The following OIP5 variants were observed in gnomAD, a reference collection of about 807,000 sequenced individuals.
The protein encoded by OIP5 is protein Mis18-beta.
A neutral mutation model predicts 20.3 loss-of-function variants in OIP5; 24 were observed. That is an observed-to-expected ratio of 1.18 (90% CI 0.86 to 1.66). The LOEUF (loss-of-function observed/expected upper bound fraction) is 1.66, where lower values mean the gene tolerates loss of function less well. Ranked by LOEUF, OIP5 falls within the 40% of genes most tolerant of loss-of-function variation. The probability of loss-of-function intolerance (pLI) is 0.00; values close to 1 mark genes in which losing one functional copy is unlikely to be tolerated. For synonymous variants in OIP5, 143 were observed against 121.3 expected, an observed-to-expected ratio of 1.18 and a Z score of -1.17; for missense variants, 339 against 289.5, an observed-to-expected ratio of 1.17 and a Z score of -1.24.
At chr15:41,316,640 A>G (rs191499945) in intron 3 of OIP5, among the ~76,000 whole-genome samples, 1 of 151,954 alleles carries the variant, frequency 6.6e-6, no homozygotes, top group Non-Finnish European at 1.5e-5. Flanking sequence ...AATACAAAAA[A>G]TTAGCCAAGC....
chr15:41,317,860 T>G (rs2047797605), intron 3 of OIP5, among the ~76,000 whole-genome samples: 1 of 152,158 alleles, frequency 6.6e-6, no homozygotes, highest in Admixed American at 6.6e-5. Context: ...TTAAATTTTT[T>G]GTAGAGACAG....
intron 3 of OIP5, among the ~76,000 whole-genome samples, chr15:41,316,789 C>CAAAAAAAA (rs11385589): frequency 1.6e-5 from 1 of 61,890 alleles, no homozygotes; most frequent in Admixed American, 2.1e-4. Context: ...GACTCCATCT[C>CAAAAAAAA]AAAAAAAAAA....
intron 2 of OIP5, among the ~76,000 whole-genome samples, chr15:41,324,246 C>T (rs969682869): frequency 7.2e-5 from 11 of 151,908 alleles, no homozygotes; most frequent in South Asian, 2.1e-4. Context: ...CCACCCACCT[C>T]GGCCTCCCAA....
intron 2 of OIP5, among the ~76,000 whole-genome samples, chr15:41,321,116 G>A (rs2047821687): frequency 6.6e-6 from 1 of 150,772 alleles, no homozygotes; most frequent in South Asian, 2.1e-4. Flanking sequence ...AGTGAGGAGC[G>A]TCTCCGCCCG....
intron 2 of OIP5, among the ~76,000 whole-genome samples, chr15:41,324,842 A>G (rs1476018867): frequency 6.6e-6 from 1 of 152,046 alleles, no homozygotes; most frequent in East Asian, 1.9e-4. Flanking sequence ...TGCCTTCCTC[A>G]CTAAGCTTAA....
At chr15:41,329,342 G>T (rs2047882739) in intron 2 of OIP5, among the ~76,000 whole-genome samples, 1 of 144,348 alleles carries the variant, frequency 6.9e-6, no homozygotes, top group Admixed American at 7.0e-5. Flanking sequence ...TTCAGACGGA[G>T]TCTCGATCTG....
chr15:41,315,275 C>T (rs749274781), intron 3 of OIP5, among the ~76,000 whole-genome samples: 21 of 151,714 alleles, frequency 1.4e-4, no homozygotes, highest in Non-Finnish European at 2.5e-4. Context: ...AATAAAAATA[C>T]AAAAATTAGC....
chr15:41,316,170 G>T (rs1037754810), intron 3 of OIP5, among the ~76,000 whole-genome samples: 6 of 152,058 alleles, frequency 3.9e-5, no homozygotes, highest in Non-Finnish European at 5.9e-5. Flanking sequence ...TTGAGGCTGG[G>T]CATGGTGATT....
Position 41,319,751 on chromosome 15 carries a change from C to A in OIP5, c.419G>T (p.Cys140Phe). The change falls in exon 3 of 5, where the codon TGT (cysteine) becomes TTT (phenylalanine). Residue 140 changes from cysteine (C) to phenylalanine (F), a missense_variant. Coordinates refer to ENST00000220514, the MANE Select transcript of OIP5 (RefSeq NM_007280.2). The stretch of plus-strand genomic sequence containing the variant: ...CAGATGGAAACCAACGGGAATCCCA[C>A]AAGAACCACAGAATAAAAGGTTGTA... ...STYNLLFCGS[C>F]GIPVGFHLYS... is the part of the protein sequence containing the mutation. 1 of 1,613,354 alleles carries A rather than the reference C, an allele frequency of 6.2e-7. No homozygotes were observed. The highest frequency in any genetic ancestry group is 8.5e-7 in the Non-Finnish European group (1 of 1,179,590).
At chr15:41,318,552 TC>T (rs1197080382) in intron 3 of OIP5, among the ~76,000 whole-genome samples, 1 of 152,156 alleles carries the variant, frequency 6.6e-6, no homozygotes, top group East Asian at 1.9e-4. Flanking sequence ...TGCCTCAGCC[TC>T]CTGGGTAGCT....
chr15:41,321,964 GCGC>G (rs1474063163), intron 2 of OIP5, among the ~76,000 whole-genome samples: 8 of 151,622 alleles, frequency 5.3e-5, no homozygotes, highest in Non-Finnish European at 1.0e-4. Context: ...AGAAAAAAAT[GCGC>G]AGACTAAAAG....
intron 3 of OIP5, among the ~76,000 whole-genome samples, chr15:41,313,788 C>T (rs561588337): frequency 1.3e-5 from 2 of 152,066 alleles, no homozygotes; most frequent in East Asian, 3.9e-4. Flanking sequence ...GCAAATATTA[C>T]ACCACTTAAT....
At chr15:41,321,191 G>C (rs966602071) in intron 2 of OIP5, among the ~76,000 whole-genome samples, 3 of 150,398 alleles carry the variant, frequency 2.0e-5, no homozygotes, top group Non-Finnish European at 3.0e-5. Context: ...GCCCCGTCCA[G>C]GAGGGAGGTG....
chr15:41,321,056 C>G (rs1006437346), intron 2 of OIP5, among the ~76,000 whole-genome samples: 2 of 151,162 alleles, frequency 1.3e-5, no homozygotes, highest in African/African-American at 2.4e-5. Flanking sequence ...GGCAGCCTCC[C>G]TGTCTGAGAA....
Position 41,332,272 on chromosome 15 carries a change from A to T in OIP5, c.290T>A (p.Leu97Gln), listed in dbSNP as rs746889190. ...LADSVHLAWD[L>Q]SRSLGAVVFS... ...GACCACGGCCCCGAGGGACCGCGAC[A>T]GGTCCCAGGCGAGGTGCACCGAGTC... Residue 97 changes from leucine to glutamine, a missense_variant, in exon 1 of 5, where the codon CTG (leucine) becomes CAG (glutamine). Physicochemically the swap from Leu to Gln is moderately radical, Grantham distance 113. Coordinates refer to ENST00000220514, the MANE Select transcript of OIP5 (RefSeq NM_007280.2). 2.3e-5 allele frequency: 36 copies of T among 1,560,616 alleles called. No individual in the cohort carries two copies. In the African/African-American group the frequency reaches 4.2e-4, roughly 18 times the overall value.
intron 4 of OIP5, among the ~76,000 whole-genome samples, chr15:41,311,377 C>T (rs1049314028): frequency 6.6e-6 from 1 of 152,096 alleles, no homozygotes; most frequent in Non-Finnish European, 1.5e-5. Context: ...TGTGCCACTG[C>T]ATTCCAGCCT....
chr15:41,332,054 C>T, intron 1 of OIP5, 73 bp from the exon 2 acceptor site: 2 of 1,464,238 alleles, frequency 1.4e-6, no homozygotes, highest in South Asian at 2.3e-5. Context: ...TCTAGACAGA[C>T]TCATCCTGGC....
At position 41,329,550 on chromosome 15, in the gene OIP5, G is replaced by T. The variant is rs563544762; in HGVS notation, c.389+2365C>A. ...AGGCTGGTCCCGAACTCCCGACCTT[G>T]TGATCTGCCTGCCTTGGCCTCCCAA... is the stretch of plus-strand genomic sequence containing the variant. On this transcript the variant is annotated intron_variant, in intron 2 of 4. Transcript: ENST00000220514. Among the ~76,000 whole-genome samples the T allele has an allele frequency of 8.5e-5, 13 of 152,056 alleles. No individual in the cohort carries two copies. The East Asian group carries it at 2.3e-3, about 27-fold the overall frequency.
chr15:41,330,409 A>ATT (rs766498868), intron 2 of OIP5, among the ~76,000 whole-genome samples: 22,186 of 128,564 alleles, frequency 0.17, 2,509 homozygotes, highest in Non-Finnish European at 0.25. Context: ...CGTAATCAGT[A>ATT]TTTTTTTTTT....
Sources: allele counts gnomAD v4.1 joint callset (sites outside exome capture counted in the v4.1 genomes callset), GRCh38; gene constraint gnomAD v4.1.1; transcripts MANE v1.5; gene names NCBI Gene and HGNC (gene_info 2026-07-23, HGNC 2026-07-21).